Variants in TMEM11 observed in about 807,000 individuals in gnomAD.
The protein encoded by TMEM11 is transmembrane protein 11, also known as transmembrane protein 11, mitochondrial.
TMEM11 carries 1 observed loss-of-function variant against 17.0 expected under a neutral mutation model. The ratio of observed to expected loss-of-function variants is 0.06; its 90% CI spans 0.02 to 0.28. The LOEUF (loss-of-function observed/expected upper bound fraction) is 0.28. Ranked by LOEUF, TMEM11 falls within the 10% of genes least tolerant of loss-of-function variation. The pLI, the probability that TMEM11 is intolerant of heterozygous loss-of-function variation, is 1.00. For missense variants in TMEM11, 172 were observed against 252.9 expected (o/e 0.68, Z 2.17); for synonymous variants, 122 against 118.1 (o/e 1.03, Z -0.21).
At chr17:21,207,841 T>G (rs1214978610) in intron 1 of TMEM11, among the ~76,000 whole-genome samples, 1 of 150,630 alleles carries the variant, frequency 6.6e-6, no homozygotes, top group Non-Finnish European at 1.5e-5. Context: ...TGAGCCAAGA[T>G]CACACCACTG....
In TMEM11 at chr17:21,198,609, C is replaced by T. The variant is rs755322877; in HGVS notation, c.294G>A (p.Ala98=). The change falls in exon 2 of 2, where the codon GCG becomes GCA. Residue 98 remains alanine (A), a synonymous_variant. Transcript: ENST00000317635. The surrounding 1 kb of genome is among the most constrained non-coding windows in gnomAD (Gnocchi z 6.5). ...TGTAGTGGGAATAATCTAAGGGCAGCGCCAACGGGGTGAAGAGGCAGGCGG... is the reference window on the plus strand; with the variant it reads ...TGTAGTGGGAATAATCTAAGGGCAGTGCCAACGGGGTGAAGAGGCAGGCGG... The part of the protein sequence containing the change: ...AGTACLFTPL[A]LPLDYSHYIS... 8.7e-6 allele frequency: 14 copies of T among 1,613,812 alleles called. No individual in the cohort carries two copies. Among genetic ancestry groups the T allele is most frequent in the African/African-American group, 2.7e-5 (2 of 75,062 alleles).
chr17:21,210,012 C>T (rs1005009794), intron 1 of TMEM11, among the ~76,000 whole-genome samples: 7 of 152,146 alleles, frequency 4.6e-5, no homozygotes, highest in African/African-American at 7.2e-5. Flanking sequence ...CGGGTGTGCT[C>T]GGTCATGGAG....
chr17:21,201,552 C>T (rs545013385), intron 1 of TMEM11, among the ~76,000 whole-genome samples: 1 of 152,186 alleles, frequency 6.6e-6, no homozygotes, highest in South Asian at 2.1e-4. Context: ...CTAAAGTTCT[C>T]GGTGGAGTTT....
chr17:21,203,703 G>GAAAAAAAAAGA (rs1555542168), intron 1 of TMEM11, among the ~76,000 whole-genome samples: 34 of 143,952 alleles, frequency 2.4e-4, no homozygotes, highest in African/African-American at 8.5e-4. Context: ...AGAAAAAAAA[G>GAAAAAAAAAGA]AAAAAAAAAG....
chr17:21,202,943 A>T (rs1311443804), intron 1 of TMEM11, among the ~76,000 whole-genome samples: 1 of 152,232 alleles, frequency 6.6e-6, no homozygotes, highest in Non-Finnish European at 1.5e-5. Flanking sequence ...CGGCGTCTTC[A>T]TATGGGCTGG....
chr17:21,212,041 G>A (rs981995592), intron 1 of TMEM11, among the ~76,000 whole-genome samples: 9 of 152,158 alleles, frequency 5.9e-5, no homozygotes, highest in Non-Finnish European at 1.2e-4. Flanking sequence ...CAGCTCGCTA[G>A]CCCCACAGCG....
In TMEM11 at chr17:21,211,100, C is replaced by T. The variant is rs983978919; in HGVS notation, c.62+2991G>A. The T allele has an allele frequency of 5.4e-6, 7 of 1,289,708 alleles. No homozygotes were observed. In the African/African-American group the frequency reaches 1.1e-4, roughly 20 times the overall value. The allele number at this position is 1,289,708 out of a possible 1,614,324, so 79.9% of individuals were successfully genotyped here. ...TGCTTTCCTAGATGGGCAAGTGTGT[C>T]TCAAAGACGCCGACAGGACAAGTGG... is the stretch of plus-strand genomic sequence containing the variant. On this transcript the variant is annotated intron_variant, in intron 1 of 1. Coordinates refer to ENST00000317635, the MANE Select transcript of TMEM11 (RefSeq NM_003876.3).
At position 21,214,097 on chromosome 17, in the gene TMEM11, C is replaced by T. The variant is rs1213473338; in HGVS notation, c.56G>A (p.Arg19Gln). ...ACAAGCCCTTGGATCTCACCTCTCTCGGGCGCTGCCGCCACTGCTGCCCGG... is the reference window on the plus strand; with the variant it reads ...ACAAGCCCTTGGATCTCACCTCTCTTGGGCGCTGCCGCCACTGCTGCCCGG... ...LGPGSSGGSA[R>Q]ERVSLSATDC... Residue 19 changes from arginine to glutamine, a missense_variant, in exon 1 of 2, where the codon CGA becomes CAA. Physicochemically the swap from Arg to Gln is conservative, Grantham distance 43. Coordinates refer to ENST00000317635, the MANE Select transcript of TMEM11 (RefSeq NM_003876.3). The T allele has an allele frequency of 1.9e-6, 3 of 1,610,430 alleles. No individual in the cohort carries two copies. The highest frequency in any genetic ancestry group is 1.3e-5 in the African/African-American group (1 of 74,934).
intron 1 of TMEM11, among the ~76,000 whole-genome samples, chr17:21,203,420 G>A (rs1014705994): frequency 3.9e-4 from 60 of 152,218 alleles, no homozygotes; most frequent in Non-Finnish European, 5.9e-5. Context: ...TCTTACTTCA[G>A]AAATTCGTGG....
intron 1 of TMEM11, among the ~76,000 whole-genome samples, chr17:21,206,293 C>T (rs1039158212): frequency 1.2e-4 from 18 of 152,152 alleles, no homozygotes; most frequent in African/African-American, 3.6e-4. Flanking sequence ...GCTATCTCGA[C>T]TCACTGCAAC....
chr17:21,204,365 C>T lies in TMEM11; in HGVS notation c.63-5525G>A, dbSNP rs1019773487. On this transcript the variant is annotated intron_variant, in intron 1 of 1. Coordinates refer to ENST00000317635, the MANE Select transcript of TMEM11 (RefSeq NM_003876.3). Reference sequence around the variant, plus strand: ...AGAAGAATTGCTTGAACGCAGGAGGCGGAGGTTGCAGTGAGCTGAGATCAT... The same window carrying T: ...AGAAGAATTGCTTGAACGCAGGAGGTGGAGGTTGCAGTGAGCTGAGATCAT... 3.6e-5 allele frequency among the ~76,000 whole-genome samples: 5 copies of T among 139,964 alleles called. No individual in the cohort carries two copies. In the Admixed American group the frequency reaches 3.9e-4, roughly 11 times the overall value. The allele number at this position is 139,964 out of a possible 152,430, so 91.8% of individuals were successfully genotyped here. A position where few individuals can be genotyped will look rare whatever the true frequency, so the allele number is the denominator to read the frequency against.
At chr17:21,203,181 A>T (rs1974901127) in intron 1 of TMEM11, among the ~76,000 whole-genome samples, 1 of 152,250 alleles carries the variant, frequency 6.6e-6, no homozygotes, top group South Asian at 2.1e-4. Context: ...ATAAGGCAAC[A>T]GACCCTATAT....
chr17:21,199,087 C>CG (rs201185148), intron 1 of TMEM11, among the ~76,000 whole-genome samples: 10,987 of 151,344 alleles, frequency 0.073, 471 homozygotes, highest in Non-Finnish European at 0.095. Flanking sequence ...TTTGGGAGGC[C>CG]GGGGGGGCGG....
chr17:21,211,692 G>A (rs942218428), intron 1 of TMEM11, among the ~76,000 whole-genome samples: 3 of 152,186 alleles, frequency 2.0e-5, no homozygotes, highest in Admixed American at 6.5e-5. Flanking sequence ...GTTGGTAGCC[G>A]CTGGCAAATC....
intron 1 of TMEM11, among the ~76,000 whole-genome samples, chr17:21,204,336 A>G (rs1265289850): frequency 6.7e-6 from 1 of 149,444 alleles, no homozygotes; most frequent in African/African-American, 2.5e-5. Flanking sequence ...TGGGAGCCTG[A>G]GGCAGAAGAA....
chr17:21,210,712 A>G (rs1266680009), intron 1 of TMEM11, among the ~76,000 whole-genome samples: 1 of 152,216 alleles, frequency 6.6e-6, no homozygotes, highest in African/African-American at 2.4e-5. Flanking sequence ...CATGAAAGTC[A>G]GCCCAGGGAA....
chr17:21,205,255 G>A (rs566439913), intron 1 of TMEM11, among the ~76,000 whole-genome samples: 5 of 152,238 alleles, frequency 3.3e-5, no homozygotes, highest in South Asian at 2.1e-4. Context: ...AGAACTGTTC[G>A]GTGAGAGCAA....
chr17:21,213,672 G>A (rs12949026), intron 1 of TMEM11: 59,205 of 186,036 alleles, frequency 0.32, 9,741 homozygotes, highest in Middle Eastern at 0.38. Context: ...TTCTCTCTCC[G>A]GGGGCCCTGC....
At chr17:21,199,276 G>A (rs748481770) in intron 1 of TMEM11, among the ~76,000 whole-genome samples, 2 of 135,594 alleles carry the variant, frequency 1.5e-5, no homozygotes, top group African/African-American at 2.7e-5. Context: ...GCAGTGAGCC[G>A]AGATCGTGCC....
Sources: allele counts gnomAD v4.1 joint callset (sites outside exome capture counted in the v4.1 genomes callset), GRCh38; gene constraint gnomAD v4.1.1; non-coding constraint Gnocchi (gnomAD v3.1); transcripts MANE v1.5; gene names NCBI Gene and HGNC (gene_info 2026-07-23, HGNC 2026-07-21).